The following NBPF9 variants were observed in gnomAD, a reference collection of about 807,000 sequenced individuals.
NBPF9 encodes NBPF family member NBPF9.
A neutral mutation model predicts 97.8 loss-of-function variants in NBPF9; 91 were observed. The ratio of observed to expected loss-of-function variants is 0.93; its 90% CI spans 0.79 to 1.11. The LOEUF (loss-of-function observed/expected upper bound fraction) is 1.11, where lower values mean the gene tolerates loss of function less well. NBPF9 is among the 50% of genes least tolerant of loss of function. The pLI is 0.00. For synonymous variants in NBPF9, 334 were observed against 359.5 expected (o/e 0.93, Z 0.80); for missense variants, 992 against 939.5 (o/e 1.06, Z -0.73).
rs1373425300 is a variant in NBPF9, at chr1:149,099,758, G to A, written c.-605-1052C>T. ...CCAACACTTTGAGATGCCAAGGTGG[G>A]AGGATCATTTGAGCCCAGGAGTTTG... On this transcript the variant is annotated intron_variant, in intron 3 of 29. Transcript: ENST00000584027. Among the ~76,000 whole-genome samples, 113 of 152,148 alleles carry A rather than the reference G, an allele frequency of 7.4e-4. 2 individuals carry two copies. The highest frequency in any genetic ancestry group is 3.4e-3 in the Middle Eastern group (1 of 294).
At position 149,080,043 on chromosome 1, in the gene NBPF9, GT is replaced by G. The variant is rs2080283570; in HGVS notation, c.278+9del. The G allele has an allele frequency of 6.3e-7, 1 of 1,576,656 alleles. No individual in the cohort carries two copies. Among genetic ancestry groups the G allele is most frequent in the Non-Finnish European group, 8.7e-7 (1 of 1,153,014 alleles). On this transcript the variant is annotated intron_variant, in intron 8 of 29. Transcript: ENST00000584027. ...CTACCCGCCTGCCTCCCCCCACGGG[GT>G]CCCCTCACCTGAGCTCCTCAGCTTG...
chr1:149,072,689 T>C lies in NBPF9; in HGVS notation c.1306+29A>G, dbSNP rs587716802. ...GGAGCCTCTCATAAGCCTGGGGTTT[T>C]GGGTCAACAGGGCCTATGGCCACCT... is the stretch of plus-strand genomic sequence containing the variant. On this transcript the variant is annotated intron_variant, in intron 14 of 29. Coordinates refer to ENST00000584027, the Ensembl canonical transcript of NBPF9. 5 of 1,611,246 alleles carry C rather than the reference T, an allele frequency of 3.1e-6. No individual in the cohort carries two copies. In the South Asian group the frequency reaches 5.5e-5, roughly 18 times the overall value.
At chr1:149,058,411 T>A in intron 26 of NBPF9, among the ~76,000 whole-genome samples, 196 bp from the exon 27 acceptor site, 1 of 66,788 alleles carries the variant, frequency 1.5e-5, no homozygotes, top group Non-Finnish European at 2.7e-5. Flanking sequence ...GGGTGAAATA[T>A]CCCCATTCTG....
chr1:149,057,694 A>G (rs2078294972), intron 27 of NBPF9, among the ~76,000 whole-genome samples, 187 bp from the exon 28 acceptor site: 1 of 34,436 alleles, frequency 2.9e-5, no homozygotes, highest in Non-Finnish European at 7.1e-5. Context: ...ATGAAAGAGA[A>G]AGACAGATAG....
chr1:149,070,980 G>C (rs782047814), exon 16 of NBPF9: 16 of 1,612,404 alleles, frequency 9.9e-6, no homozygotes, highest in Non-Finnish European at 1.4e-5. Flanking sequence ...GAGAGGATGA[G>C]CCAATGAGAG....
At chr1:149,082,619 G>A (rs1377222101) in intron 5 of NBPF9, among the ~76,000 whole-genome samples, 189 bp from the exon 6 acceptor site, 3 of 140,216 alleles carry the variant, frequency 2.1e-5, no homozygotes, top group African/African-American at 8.3e-5. Context: ...CCACAGACCC[G>A]TGTCTTTCCC....
intron 6 of NBPF9, 31 bp downstream of exon 6, chr1:149,082,241 A>C: frequency 7.7e-7 from 1 of 1,297,840 alleles, no homozygotes; most frequent in Non-Finnish European, 1.1e-6. Context: ...TTTAATCAGG[A>C]CTGAGGGATG....
At chr1:149,073,422 G>A (rs1490694104) in intron 13 of NBPF9, among the ~76,000 whole-genome samples, 8 of 141,986 alleles carry the variant, frequency 5.6e-5, no homozygotes, top group Non-Finnish European at 9.1e-5. Context: ...CAGTCAGGAG[G>A]TGATTGTCAC....
Position 149,081,629 on chromosome 1 carries a change from G to A in NBPF9, c.175+336C>T, listed in dbSNP as rs1269760490. 5.2e-4 allele frequency among the ~76,000 whole-genome samples: 78 copies of A among 151,092 alleles called. 1 individual carries two copies. Among genetic ancestry groups the A allele is most frequent in the African/African-American group, 1.8e-3 (72 of 41,094 alleles). Reference sequence around the variant, plus strand: ...AGACATTTAGAACAACAGACTAGATGTTATTTGTCTGCAGGATCTTATAAG... The same window carrying A: ...AGACATTTAGAACAACAGACTAGATATTATTTGTCTGCAGGATCTTATAAG... On this transcript the variant is annotated intron_variant, in intron 7 of 29. Transcript: ENST00000584027.
At chr1:149,077,444 T>A (rs1247033086) in intron 10 of NBPF9, 25 bp from the exon 11 acceptor site, 5 of 1,605,852 alleles carry the variant, frequency 3.1e-6, no homozygotes, top group Middle Eastern at 2.1e-4. Context: ...GGGACAGAGA[T>A]GACAGAAGAT....
exon 1 of NBPF9, chr1:149,103,374 G>C (rs587755052): frequency 2.0e-5 from 3 of 151,804 alleles, no homozygotes; most frequent in African/African-American, 7.3e-5. Context: ...GCCGCGCCTC[G>C]GCCCGCTCCT....
exon 9 of NBPF9, chr1:149,079,127 C>T (rs1553655631): frequency 7.8e-7 from 1 of 1,281,178 alleles, no homozygotes; most frequent in East Asian, 2.4e-5. Flanking sequence ...TGGAGATGCT[C>T]ATTCAATGAG....
At chr1:149,065,908 G>C (rs1411699068) in intron 17 of NBPF9, 2 of 663,512 alleles carry the variant, frequency 3.0e-6, no homozygotes, top group Non-Finnish European at 5.1e-6. Context: ...CAGTACATTT[G>C]CCACAGATGA....
At chr1:149,063,593 A>T in intron 20 of NBPF9, 40 bp downstream of exon 20, 1 of 609,364 alleles carries the variant, frequency 1.6e-6, no homozygotes, top group Admixed American at 3.0e-5. Flanking sequence ...TAACCAGAAG[A>T]CTCAGTGGAT....
Position 149,059,651 on chromosome 1 carries a change from C to T in NBPF9, c.2585+49G>A, listed in dbSNP as rs1281353314. The T allele has an allele frequency of 9.0e-6, 5 of 554,606 alleles. 2 individuals are homozygous for T. Among genetic ancestry groups the T allele is most frequent in the African/African-American group, 4.8e-5 (2 of 41,508 alleles). 34.4% of individuals were successfully genotyped at this position (554,606 alleles called of 1,614,324 possible). ...CACTCTGGTTTCCCTGAATCTGTTG[C>T]CTCCAGGTGTTAACACAGAACTAAG... On this transcript the variant is annotated intron_variant, in intron 25 of 29. Transcript: ENST00000584027.
In NBPF9 at chr1:149,055,869, C is replaced by A. The variant is rs370832852; in HGVS notation, c.3123G>T (p.Glu1041Asp). The change falls in exon 30 of 30, where the codon GAG (glutamate) becomes GAT (aspartate). Residue 1041 changes from glutamate (E) to aspartate (D), a missense_variant. By Grantham distance (45) the Glu-to-Asp change is conservative. Coordinates refer to ENST00000584027, the Ensembl canonical transcript of NBPF9. ...CCAGTGAGTCCTGCAAGACTTCAGGCTCTTCCACTTCCATCAGCACGCCGT... is the reference window on the plus strand; with the variant it reads ...CCAGTGAGTCCTGCAAGACTTCAGGATCTTCCACTTCCATCAGCACGCCGT... 42 of 1,610,376 alleles carry A rather than the reference C, an allele frequency of 2.6e-5. No homozygotes were observed. In the East Asian group the frequency reaches 2.9e-4, roughly 11 times the overall value.
chr1:149,101,478 ATGC>A (rs1324549849), intron 2 of NBPF9, 99 bp from the exon 3 acceptor site: 1 of 152,202 alleles, frequency 6.6e-6, no homozygotes, highest in Non-Finnish European at 1.5e-5. Flanking sequence ...AAAAAGGGAA[ATGC>A]AATACATATA....
At chr1:149,076,203 G>T (rs1386841508) in intron 11 of NBPF9, among the ~76,000 whole-genome samples, 1 of 151,104 alleles carries the variant, frequency 6.6e-6, no homozygotes, top group Non-Finnish European at 1.5e-5. Flanking sequence ...TTTCTTTTTT[G>T]GTTTTTTTGT....
chr1:149,069,733 T>C (rs1369243633), intron 16 of NBPF9, 88 bp from the exon 17 acceptor site: 3 of 886,306 alleles, frequency 3.4e-6, no homozygotes, highest in Non-Finnish European at 5.7e-6. Context: ...GCCAAGGACA[T>C]AACTATTCTC....
Sources: allele counts gnomAD v4.1 joint callset (sites outside exome capture counted in the v4.1 genomes callset), GRCh38; gene constraint gnomAD v4.1.1; transcripts MANE v1.5; gene names NCBI Gene and HGNC (gene_info 2026-07-23, HGNC 2026-07-21).